Variants in OSBP2 observed in about 807,000 individuals in gnomAD.
The protein encoded by OSBP2 is oxysterol binding protein 2, also known as oxysterol-binding protein 2.
In OSBP2, 66 loss-of-function variants were observed where a neutral mutation model predicts 96.0. That is an observed-to-expected ratio of 0.69 (90% confidence interval 0.56 to 0.84). The LOEUF is 0.84. Among genes scored for constraint, OSBP2 ranks in the 40% least tolerant of loss-of-function variants. OSBP2 has a pLI of 0.00. For synonymous variants in OSBP2, 525 were observed against 520.9 expected (o/e 1.01, Z -0.11); for missense variants, 1,038 against 1,222.7 (o/e 0.85, Z 2.25).
intron 2 of OSBP2, among the ~76,000 whole-genome samples, chr22:30,864,473 G>A (rs144079960): frequency 2.6e-5 from 4 of 152,346 alleles, no homozygotes; most frequent in African/African-American, 7.2e-5. Context: ...AAGGCAGCAC[G>A]AAGGGTGCAG....
At chr22:30,869,212 G>C (rs2039409596) in intron 2 of OSBP2, among the ~76,000 whole-genome samples, 1 of 152,214 alleles carries the variant, frequency 6.6e-6, no homozygotes, top group African/African-American at 2.4e-5. Flanking sequence ...GTAAGAGGGG[G>C]CGTGGGAGCT....
intron 2 of OSBP2, among the ~76,000 whole-genome samples, chr22:30,858,192 TGC>T (rs1200774221): frequency 7.9e-4 from 116 of 147,046 alleles, no homozygotes; most frequent in East Asian, 1.2e-3. Flanking sequence ...CAGGCCGGAC[TGC>T]GGACTGCAGT....
chr22:30,694,363 G>A (rs1187518982), upstream of OSBP2: 2 of 1,526,492 alleles, frequency 1.3e-6, no homozygotes, highest in Non-Finnish European at 1.8e-6. Context: ...TGCCATGGGG[G>A]GCGGGGCGTC....
At chr22:30,783,857 G>A (rs1259327429) in intron 2 of OSBP2, among the ~76,000 whole-genome samples, 2 of 152,176 alleles carry the variant, frequency 1.3e-5, no homozygotes, top group Admixed American at 6.5e-5. Flanking sequence ...GCTTCCTAGG[G>A]CAATGCCTAG....
chr22:30,771,572 ACTT>A (rs1410524744), intron 2 of OSBP2, among the ~76,000 whole-genome samples: 1 of 152,142 alleles, frequency 6.6e-6, no homozygotes, highest in East Asian at 1.9e-4. Context: ...GAGCTACTGT[ACTT>A]CTCTGTAGGG....
At position 30,893,259 on chromosome 22, in the gene OSBP2, T is replaced by C. The variant is rs754874390; in HGVS notation, c.1990+17T>C. On this transcript the variant is annotated intron_variant, in intron 9 of 13. Coordinates refer to ENST00000332585, the MANE Select transcript of OSBP2 (RefSeq NM_030758.4). ...TGCCGCTAGGTGAGCTGGGGCCCGGTGCCTTCCTGGGACACAGAGACATTG... is the reference window on the plus strand; with the variant it reads ...TGCCGCTAGGTGAGCTGGGGCCCGGCGCCTTCCTGGGACACAGAGACATTG... 2.2e-5 allele frequency: 35 copies of C among 1,613,850 alleles called. No individual in the cohort carries two copies. The African/African-American group carries it at 4.7e-4, about 22-fold the overall frequency.
At chr22:30,840,498 G>A (rs2038729909) in intron 2 of OSBP2, among the ~76,000 whole-genome samples, 1 of 152,112 alleles carries the variant, frequency 6.6e-6, no homozygotes, top group Non-Finnish European at 1.5e-5. Context: ...AGAGATGGGA[G>A]GGAGATGGGG....
intron 2 of OSBP2, among the ~76,000 whole-genome samples, chr22:30,829,709 T>C (rs1052692017): frequency 2.6e-5 from 4 of 152,236 alleles, no homozygotes; most frequent in Admixed American, 6.5e-5. Context: ...GGATTTGCAT[T>C]GTAATAAAAA....
chr22:30,780,603 T>C (rs2090504702), intron 2 of OSBP2, among the ~76,000 whole-genome samples: 1 of 152,164 alleles, frequency 6.6e-6, no homozygotes, highest in Non-Finnish European at 1.5e-5. Flanking sequence ...GTTCAAGCAA[T>C]GCTTATGCCA....
chr22:30,860,746 C>A (rs5997791), intron 2 of OSBP2, among the ~76,000 whole-genome samples: 46,896 of 152,130 alleles, frequency 0.31, 7,941 homozygotes, highest in African/African-American at 0.46. Flanking sequence ...CTGTGGGAAC[C>A]CTGGTAGGGT....
In OSBP2 at chr22:30,893,716, A is replaced by AC. The variant is rs751607076; in HGVS notation, c.2173_2174insC (p.Lys725ThrfsTer13). ...GTTCCTGCCCTACAGCTACTTCTCC[A>AC]AAGAGGCAGCCCGGAAGGTAAGCAG... is the stretch of plus-strand genomic sequence containing the variant. On this transcript the variant is annotated frameshift_variant, in exon 11 of 14. Transcript: ENST00000332585. LOFTEE classifies it high-confidence loss of function. 3 of 1,614,098 alleles carry AC rather than the reference A, an allele frequency of 1.9e-6. No individual in the cohort carries two copies. The South Asian group carries it at 3.3e-5, about 18-fold the overall frequency.
intron 4 of OSBP2, 41 bp from the exon 5 acceptor site, chr22:30,888,181 CT>C: frequency 1.5e-6 from 2 of 1,359,030 alleles, no homozygotes. Context: ...GAGATTGAGC[CT>C]TTTGTGAGGT....
chr22:30,902,002 A>T (rs1602446999), intron 12 of OSBP2, among the ~76,000 whole-genome samples: 1 of 152,046 alleles, frequency 6.6e-6, no homozygotes. Flanking sequence ...AAACAACACA[A>T]ATTTATTGAA....
intron 2 of OSBP2, among the ~76,000 whole-genome samples, chr22:30,795,201 G>C (rs968799841): frequency 6.6e-6 from 1 of 151,996 alleles, no homozygotes. Flanking sequence ...GTAAGCCACT[G>C]GGCCTGACCT....
At chr22:30,872,247 A>G (rs1474995873) in intron 3 of OSBP2, 2 of 456,518 alleles carry the variant, frequency 4.4e-6, no homozygotes, top group African/African-American at 4.0e-5. Flanking sequence ...TACCAGGGAC[A>G]CACACAAATG....
At chr22:30,768,591 C>G (rs1214256629) in intron 2 of OSBP2, among the ~76,000 whole-genome samples, 1 of 151,862 alleles carries the variant, frequency 6.6e-6, no homozygotes, top group East Asian at 1.9e-4. Flanking sequence ...GCAGGAGAAT[C>G]GCTTGAACCC....
chr22:30,820,855 G>C (rs1246313143), intron 2 of OSBP2, among the ~76,000 whole-genome samples: 1 of 152,154 alleles, frequency 6.6e-6, no homozygotes, highest in Non-Finnish European at 1.5e-5. Context: ...AATTGTTAAG[G>C]ATTAATTCTC....
chr22:30,782,446 C>G (rs1297950770), intron 2 of OSBP2, among the ~76,000 whole-genome samples: 2 of 152,148 alleles, frequency 1.3e-5, no homozygotes, highest in Non-Finnish European at 2.9e-5. Flanking sequence ...CCTCGGCCTC[C>G]CAAAGTGCCA....
chr22:30,696,731 G>A (rs1242342601), intron 1 of OSBP2, among the ~76,000 whole-genome samples: 5 of 152,110 alleles, frequency 3.3e-5, no homozygotes, highest in African/African-American at 4.8e-5. Flanking sequence ...TTGGCTCACT[G>A]CAACCTCCGC....
Sources: gnomAD v4.1 joint callset for allele counts (sites outside exome capture counted in the v4.1 genomes callset) on GRCh38, gnomAD v4.1.1 for gene constraint, MANE v1.5 for transcripts, NCBI Gene and HGNC (gene_info 2026-07-23, HGNC 2026-07-21) for gene names.